The following GRIN2B variants were observed in gnomAD, a reference collection of about 807,000 sequenced individuals.
GRIN2B encodes glutamate ionotropic receptor NMDA type subunit 2B.
Under a neutral mutation model 114.5 loss-of-function variants are expected in GRIN2B, and 5 were observed. That is an observed-to-expected ratio of 0.04 (90% confidence interval 0.02 to 0.09). The LOEUF is 0.09. Among genes scored for constraint, GRIN2B ranks in the 10% least tolerant of loss-of-function variants. The probability of loss-of-function intolerance (pLI) is 1.00; values close to 1 mark genes in which losing one functional copy is unlikely to be tolerated. For synonymous variants in GRIN2B, 787 were observed against 745.1 expected (o/e 1.06, Z -0.92); for missense variants, 1,108 against 1,943.5 (o/e 0.57, Z 8.08).
Position 13,563,619 on chromosome 12 carries a change from C to G in GRIN2B, c.3619G>C (p.Glu1207Gln). ...WEKNLTNVEW[E>Q]DRSGGNFCRS... ...CAGAAGTTGCCCCCGGACCGGTCCTCCCACTCCACGTTGGTCAGGTTCTTC... is the reference window on the plus strand; with the variant it reads ...CAGAAGTTGCCCCCGGACCGGTCCTGCCACTCCACGTTGGTCAGGTTCTTC... Residue 1207 changes from glutamate to glutamine, a missense_variant, in exon 14 of 14, where the codon GAG (glutamate) becomes CAG (glutamine). Glu to Gln is a conservative substitution (Grantham distance 29, BLOSUM62 2). Around this residue, in one of 19 missense-constraint regions of GRIN2B, gnomAD observed 478 missense variants for 506.0 expected, o/e 0.94. Transcript: ENST00000609686. The G allele has an allele frequency of 6.2e-7, 1 of 1,614,026 alleles. No homozygotes were observed.
intron 2 of GRIN2B, among the ~76,000 whole-genome samples, chr12:13,956,513 A>C (rs1203910376): frequency 6.6e-6 from 1 of 152,142 alleles, no homozygotes; most frequent in Non-Finnish European, 1.5e-5. Context: ...TCCTACCCTC[A>C]TTCTGTTCTA....
chr12:13,573,815 A>AGGAGCC (rs1299582255), intron 10 of GRIN2B, among the ~76,000 whole-genome samples: 1 of 152,194 alleles, frequency 6.6e-6, no homozygotes. Flanking sequence ...TCTCAGCACC[A>AGGAGCC]GGAGCCATAA....
chr12:13,624,816 C>T lies in GRIN2B; in HGVS notation c.1126-8159G>A, dbSNP rs1004690515. 2.0e-5 allele frequency among the ~76,000 whole-genome samples: 3 copies of T among 152,164 alleles called. No individual in the cohort carries two copies. In the East Asian group the frequency reaches 5.8e-4, roughly 29 times the overall value. The stretch of plus-strand genomic sequence containing the variant: ...CCTGCCTCTCCAAGAGAGCCCAGGC[C>T]CCCTCAGCGCTGTGTGTACCCATTG... On this transcript the variant is annotated intron_variant, in intron 5 of 13. Transcript: ENST00000609686.
chr12:13,725,375 C>G (rs1862964404), intron 4 of GRIN2B, among the ~76,000 whole-genome samples: 2 of 152,088 alleles, frequency 1.3e-5, no homozygotes, highest in Non-Finnish European at 2.9e-5. Context: ...GGTGGCAGGA[C>G]TGTATTTGGT....
chr12:13,946,218 C>A (rs1229836698), intron 2 of GRIN2B, among the ~76,000 whole-genome samples: 2 of 152,122 alleles, frequency 1.3e-5, no homozygotes, highest in African/African-American at 4.8e-5. Context: ...TACCTAATTT[C>A]ATTCATCATA....
rs1948485644 is a variant in GRIN2B at position 13,557,027 on chromosome 12, T to A, written c.*5756A>T. 1 of 152,178 alleles carries A rather than the reference T, an allele frequency of 6.6e-6. No individual in the cohort carries two copies. The highest frequency in any genetic ancestry group is 2.4e-5 in the African/African-American group (1 of 41,426). 9.4% of individuals were successfully genotyped at this position (152,178 alleles called of 1,614,324 possible). On this transcript the variant is annotated 3_prime_UTR_variant, in exon 14 of 14. Transcript: ENST00000609686. ...GAAAGTAGCAGCACTGGCTTTCAAT[T>A]TAAGGTTTTGGGTGAGGGCCTTTGT...
chr12:13,590,605 T>A (rs979676895), intron 10 of GRIN2B, among the ~76,000 whole-genome samples: 2 of 152,212 alleles, frequency 1.3e-5, no homozygotes, highest in Non-Finnish European at 2.9e-5. Context: ...TGCATAGTAT[T>A]CCATGGTGTG....
intron 3 of GRIN2B, among the ~76,000 whole-genome samples, chr12:13,832,881 C>T (rs1018825824): frequency 1.3e-5 from 2 of 152,080 alleles, no homozygotes; most frequent in African/African-American, 4.8e-5. Flanking sequence ...AAAGGTCACT[C>T]CAATTTATAT....
intron 5 of GRIN2B, among the ~76,000 whole-genome samples, chr12:13,636,287 G>A (rs1949664941): frequency 6.6e-6 from 1 of 152,190 alleles, no homozygotes; most frequent in Non-Finnish European, 1.5e-5. Flanking sequence ...GGGAAGAGTG[G>A]CAGAAAATCA....
rs1028540828 is a variant in GRIN2B, at chr12:13,980,191, A to C, written c.-282T>G. 6.6e-6 allele frequency: 1 copy of C among 152,314 alleles called. No individual in the cohort carries two copies. Among genetic ancestry groups the C allele is most frequent in the Middle Eastern group, 3.4e-3 (1 of 292 alleles). 9.4% of individuals were successfully genotyped at this position (152,314 alleles called of 1,614,324 possible). ...TCACAATGCAGAATCCAGAGTAATT[A>C]TTCCGTGTGCATGTGAGGTTAGTGG... is the stretch of plus-strand genomic sequence containing the variant. On this transcript the variant is annotated 5_prime_UTR_variant, in exon 2 of 14. An upstream open reading frame in the 5' UTR loses its in-frame stop. Transcript: ENST00000609686.
chr12:13,747,499 T>C (rs1230769216), intron 4 of GRIN2B, among the ~76,000 whole-genome samples: 2 of 152,210 alleles, frequency 1.3e-5, no homozygotes, highest in African/African-American at 4.8e-5. Context: ...TATATCCTTT[T>C]ACACTACTGA....
intron 4 of GRIN2B, among the ~76,000 whole-genome samples, chr12:13,706,811 T>C (rs942298361): frequency 3.3e-5 from 5 of 152,124 alleles, no homozygotes; most frequent in African/African-American, 1.2e-4. Flanking sequence ...AGGAGACATT[T>C]TGGCCTGCCT....
At chr12:13,574,319 A>G (rs1298966945) in intron 10 of GRIN2B, among the ~76,000 whole-genome samples, 1 of 152,258 alleles carries the variant, frequency 6.6e-6, no homozygotes, top group African/African-American at 2.4e-5. Context: ...TGTTTGAAGA[A>G]AGATATTCCT....
intron 5 of GRIN2B, among the ~76,000 whole-genome samples, chr12:13,638,746 G>A (rs1400181172): frequency 1.3e-5 from 2 of 152,036 alleles, no homozygotes; most frequent in Admixed American, 6.6e-5. Context: ...TAAGGTTGGC[G>A]GAAGCTTCCA....
At chr12:13,810,011 G>A (rs1864696152) in intron 3 of GRIN2B, among the ~76,000 whole-genome samples, 1 of 151,920 alleles carries the variant, frequency 6.6e-6, no homozygotes, top group South Asian at 2.1e-4. Context: ...TCCTGCTTAG[G>A]GGTTCTCTGC....
intron 2 of GRIN2B, among the ~76,000 whole-genome samples, chr12:13,974,025 TG>T (rs1862975168): frequency 6.6e-6 from 1 of 152,208 alleles, no homozygotes; most frequent in South Asian, 2.1e-4. Context: ...AAAAGCATTT[TG>T]TGAATCCCCT....
At position 13,564,954 on chromosome 12, in the gene GRIN2B, G is replaced by T. The variant is rs372948198; in HGVS notation, c.2599-315C>A. Among the ~76,000 whole-genome samples, 1 of 152,152 alleles carries T rather than the reference G, an allele frequency of 6.6e-6. No homozygotes were observed. The highest frequency in any genetic ancestry group is 6.5e-5 in the Admixed American group (1 of 15,284). Reference sequence around the variant, plus strand: ...GCCTCAGCTTCACTGTTGACTTACCGTGGTTTTCTATGCCTAGATTTTCAC... The same window carrying T: ...GCCTCAGCTTCACTGTTGACTTACCTTGGTTTTCTATGCCTAGATTTTCAC... On this transcript the variant is annotated intron_variant, in intron 13 of 13. Transcript: ENST00000609686. The surrounding 1 kb of genome is among the most constrained non-coding windows in gnomAD (Gnocchi z 4.8).
chr12:13,905,092 C>A (rs1866515617), intron 2 of GRIN2B, among the ~76,000 whole-genome samples: 1 of 152,034 alleles, frequency 6.6e-6, no homozygotes, highest in Non-Finnish European at 1.5e-5. Context: ...TGTACAAATT[C>A]AAAATTGTTA....
intron 10 of GRIN2B, among the ~76,000 whole-genome samples, chr12:13,605,529 T>TCC (rs1949230522): frequency 1.8e-5 from 1 of 57,064 alleles, no homozygotes; most frequent in Non-Finnish European, 3.6e-5. Context: ...AGTCTCTCTC[T>TCC]CTCTCTCTCT....
Sources: gnomAD v4.1 joint callset for allele counts (sites outside exome capture counted in the v4.1 genomes callset) on GRCh38, gnomAD v4.1.1 for gene constraint, gnomAD v4.1.1 regional missense constraint, Gnocchi (gnomAD v3.1) non-coding constraint, MANE v1.5 for transcripts, NCBI Gene and HGNC (gene_info 2026-07-23, HGNC 2026-07-21) for gene names.